Variants in LINC00305 observed in about 807,000 individuals in gnomAD.
LINC00305 encodes long independently transcribed non-coding RNA 305, also known as long intergenic non-protein coding RNA 305.
chr18:64,093,143 T>G (rs1403071163), intron 3 of LINC00305, among the ~76,000 whole-genome samples: 1 of 152,180 alleles, frequency 6.6e-6, no homozygotes, highest in African/African-American at 2.4e-5. Flanking sequence ...TACTTTACTC[T>G]TAGCAATTAT....
chr18:64,109,229 T>C (rs899448052), intron 1 of LINC00305, among the ~76,000 whole-genome samples: 4 of 152,190 alleles, frequency 2.6e-5, no homozygotes, highest in Admixed American at 6.5e-5. Context: ...AGTTGTTTAA[T>C]TGGGGTCAGT....
chr18:64,142,030 C>T (rs1479259402), intron 1 of LINC00305, among the ~76,000 whole-genome samples: 1 of 152,160 alleles, frequency 6.6e-6, no homozygotes, highest in Non-Finnish European at 1.5e-5. Flanking sequence ...CTCCTATATT[C>T]ATAGTTGTGT....
intron 1 of LINC00305, among the ~76,000 whole-genome samples, chr18:64,132,758 C>T (rs1030620405): frequency 2.0e-5 from 3 of 152,076 alleles, no homozygotes; most frequent in African/African-American, 7.2e-5. Context: ...TTGGTTCCTA[C>T]CAGAGGACAA....
At chr18:64,097,719 T>G (rs2051250310) in intron 3 of LINC00305, 8 of 359,660 alleles carry the variant, frequency 2.2e-5, no homozygotes, top group Non-Finnish European at 5.5e-6. Flanking sequence ...CACTCTATTA[T>G]CAGAAGTAAT....
intron 1 of LINC00305, chr18:64,104,283 G>A (rs913911545): frequency 6.6e-6 from 1 of 152,194 alleles, no homozygotes; most frequent in South Asian, 2.1e-4. Flanking sequence ...TGGATAATAA[G>A]TGGGTTTCTG....
chr18:64,093,637 C>A (rs527869591), intron 3 of LINC00305, among the ~76,000 whole-genome samples: 1 of 152,214 alleles, frequency 6.6e-6, no homozygotes, highest in East Asian at 1.9e-4. Context: ...CCCAGCCAAT[C>A]CTACCCTGTC....
At chr18:64,137,075 G>A (rs1031981401) in intron 1 of LINC00305, among the ~76,000 whole-genome samples, 10 of 152,266 alleles carry the variant, frequency 6.6e-5, no homozygotes, top group Middle Eastern at 3.4e-3. Context: ...CAATCCTATT[G>A]GATTCTCATG....
intron 3 of LINC00305, among the ~76,000 whole-genome samples, chr18:64,097,124 T>C (rs2051248021): frequency 6.6e-6 from 1 of 152,062 alleles, no homozygotes; most frequent in African/African-American, 2.4e-5. Context: ...AGTGTAATGA[T>C]ATTTCCATCA....
chr18:64,119,124 T>C (rs1443308622), intron 1 of LINC00305, among the ~76,000 whole-genome samples: 1 of 151,960 alleles, frequency 6.6e-6, no homozygotes, highest in Non-Finnish European at 1.5e-5. Flanking sequence ...CACTTACAAA[T>C]AGGTAAATGA....
At chr18:64,143,769 T>G (rs1364183458) in intron 1 of LINC00305, among the ~76,000 whole-genome samples, 1 of 150,448 alleles carries the variant, frequency 6.6e-6, no homozygotes, top group African/African-American at 2.4e-5. Context: ...ACACATATTA[T>G]GCGTACATGT....
At chr18:64,092,378 T>C (rs777462457) in intron 3 of LINC00305, among the ~76,000 whole-genome samples, 5 of 152,164 alleles carry the variant, frequency 3.3e-5, no homozygotes, top group African/African-American at 4.8e-5. Flanking sequence ...CTGGCCAACA[T>C]GGTGAAACCC....
At chr18:64,102,911 A>G (rs1400572) in intron 1 of LINC00305, among the ~76,000 whole-genome samples, 22,728 of 152,138 alleles carry the variant, frequency 0.15, 1,719 homozygotes, top group Non-Finnish European at 0.16. Flanking sequence ...CCCACCTCCA[A>G]CATTGGAGAT....
intron 3 of LINC00305, among the ~76,000 whole-genome samples, chr18:64,093,064 T>A (rs1599207169): frequency 6.6e-6 from 1 of 152,340 alleles, no homozygotes; most frequent in African/African-American, 2.4e-5. Context: ...AAATATATTT[T>A]GCATGTCCAC....
At chr18:64,080,268 T>C in exon 4 of LINC00305, 1 of 456,242 alleles carries the variant, frequency 2.2e-6, no homozygotes, top group Non-Finnish European at 4.4e-6. Context: ...TGTCATCTTC[T>C]CTGTTTTCAA....
At chr18:64,127,798 T>G (rs1568114855) in intron 1 of LINC00305, among the ~76,000 whole-genome samples, 1 of 152,142 alleles carries the variant, frequency 6.6e-6, no homozygotes, top group Non-Finnish European at 1.5e-5. Context: ...GTTTCTGCAT[T>G]GCTATTCTCA....
chr18:64,146,339 T>C (rs2051498119), intron 1 of LINC00305, among the ~76,000 whole-genome samples: 1 of 152,228 alleles, frequency 6.6e-6, no homozygotes. Flanking sequence ...TTATGAATTT[T>C]TAAAACTGTA....
At chr18:64,125,839 G>T (rs1230332494) in intron 1 of LINC00305, among the ~76,000 whole-genome samples, 7 of 152,086 alleles carry the variant, frequency 4.6e-5, no homozygotes, top group African/African-American at 1.7e-4. Context: ...TTATCAGGGG[G>T]AGTGGGTTTG....
chr18:64,143,659 AC>A, intron 1 of LINC00305, among the ~76,000 whole-genome samples: 1 of 149,228 alleles, frequency 6.7e-6, no homozygotes, highest in East Asian at 1.9e-4. Context: ...ATGTATGTAC[AC>A]GTATTATGTA....
At chr18:64,126,797 A>T (rs2051387455) in intron 1 of LINC00305, among the ~76,000 whole-genome samples, 1 of 152,084 alleles carries the variant, frequency 6.6e-6, no homozygotes, top group Non-Finnish European at 1.5e-5. Flanking sequence ...CACTCAGGAG[A>T]TCTCTCCAAA....
Sources: gnomAD v4.1 joint callset for allele counts (sites outside exome capture counted in the v4.1 genomes callset) on GRCh38, gnomAD v4.1.1 for gene constraint, MANE v1.5 for transcripts, NCBI Gene and HGNC (gene_info 2026-07-23, HGNC 2026-07-21) for gene names.